The following ELP4 variants were observed in gnomAD, a reference collection of about 807,000 sequenced individuals.
ELP4 encodes the protein elongator complex protein 4.
ELP4 carries 51 observed loss-of-function variants against 48.9 expected under a neutral mutation model. The ratio of observed to expected loss-of-function variants is 1.04; its 90% CI spans 0.83 to 1.32. ELP4 has a LOEUF of 1.32. ELP4 is among the 40% of genes most tolerant of loss of function. ELP4 has a pLI of 0.00. For synonymous variants in ELP4, 210 were observed against 189.2 expected (o/e 1.11, Z -0.90); for missense variants, 519 against 514.6 (o/e 1.01, Z -0.08).
intron 2 of ELP4, 99 bp from the exon 3 acceptor site, chr11:31,539,563 G>GA (rs144137362): frequency 4.7e-5 from 60 of 1,279,802 alleles, no homozygotes; most frequent in Non-Finnish European, 5.5e-5. Flanking sequence ...TTGTTTTAAG[G>GA]AAAAAAAATA....
chr11:31,728,063 A>G (rs1947113046), intron 9 of ELP4, among the ~76,000 whole-genome samples: 1 of 152,202 alleles, frequency 6.6e-6, no homozygotes, highest in African/African-American at 2.4e-5. Context: ...AAAAAAGCAT[A>G]TAAACAAAAC....
At position 31,786,909 on chromosome 11, in the gene ELP4, T is replaced by G; in HGVS notation, c.*3385T>G. 2 of 220,432 alleles carry G rather than the reference T, an allele frequency of 9.1e-6. No homozygotes were observed. Among genetic ancestry groups the G allele is most frequent in the Non-Finnish European group, 1.8e-5 (2 of 110,006 alleles). 13.7% of individuals were successfully genotyped at this position (220,432 alleles called of 1,614,324 possible). ...CAAGTTTGGAGAAAAAATTTAGACG[T>G]TTAGTCCTGGGATTCTACTGAAGTC... On this transcript the variant is annotated 3_prime_UTR_variant, in exon 10 of 10. Coordinates refer to ENST00000640961, the MANE Select transcript of ELP4 (RefSeq NM_019040.5).
intron 9 of ELP4, among the ~76,000 whole-genome samples, chr11:31,739,638 G>A (rs1011852804): frequency 2.6e-5 from 4 of 151,958 alleles, no homozygotes; most frequent in African/African-American, 9.7e-5. Context: ...ATGCTATATT[G>A]CCATTATTTT....
At chr11:31,529,064 T>G (rs1469046478) in intron 2 of ELP4, among the ~76,000 whole-genome samples, 1 of 149,564 alleles carries the variant, frequency 6.7e-6, no homozygotes, top group East Asian at 2.0e-4. Flanking sequence ...ATATTTGCAG[T>G]GAGTCAATAT....
rs569268201 is a variant in ELP4, at chr11:31,706,156, G to A, written c.1143+55935G>A. On this transcript the variant is annotated intron_variant, in intron 9 of 9. Coordinates refer to ENST00000640961, the MANE Select transcript of ELP4 (RefSeq NM_019040.5). ...ATATAATAATTGTACATATTCATAG[G>A]GCACATAGTAATGTTTTGATGCATT... Among the ~76,000 whole-genome samples the A allele has an allele frequency of 7.9e-5, 12 of 151,878 alleles. No individual in the cohort carries two copies. The East Asian group carries it at 2.3e-3, about 29-fold the overall frequency.
intron 3 of ELP4, among the ~76,000 whole-genome samples, chr11:31,565,215 C>G (rs1480547328): frequency 2.0e-5 from 3 of 151,804 alleles, no homozygotes; most frequent in Admixed American, 6.6e-5. Flanking sequence ...CCCACTTTTT[C>G]ATGGGGTTGT....
intron 3 of ELP4, among the ~76,000 whole-genome samples, chr11:31,541,188 A>G (rs943846750): frequency 6.6e-6 from 1 of 152,222 alleles, no homozygotes; most frequent in Non-Finnish European, 1.5e-5. Context: ...GCCTTAGTAT[A>G]AAAGTCACTA....
At position 31,546,171 on chromosome 11, in the gene ELP4, T is replaced by C. The variant is rs529345903; in HGVS notation, c.381+6388T>C. On this transcript the variant is annotated intron_variant, in intron 3 of 9. Transcript: ENST00000640961. ...AATGTAAATGGACTAAATGCTCCAA[T>C]TAAAAGACACAGACTGGCAAATTGG... 2.6e-5 allele frequency among the ~76,000 whole-genome samples: 4 copies of C among 152,056 alleles called. No individual in the cohort carries two copies. The South Asian group carries it at 8.3e-4, about 32-fold the overall frequency.
chr11:31,608,884 C>T (rs113064348), intron 5 of ELP4, among the ~76,000 whole-genome samples: 113 of 152,220 alleles, frequency 7.4e-4, no homozygotes, highest in African/African-American at 2.4e-3. Flanking sequence ...GAAAAGAGAT[C>T]GGCTTACCTG....
At chr11:31,515,446 AAAACCAGCCTGGGC>A (rs200383500) in intron 1 of ELP4, among the ~76,000 whole-genome samples, 2 of 152,266 alleles carry the variant, frequency 1.3e-5, no homozygotes, top group East Asian at 3.9e-4. Context: ...CCAGGAGTTC[AAAACCAGCCTGGGC>A]AATATAGTGA....
At chr11:31,583,802 A>G (rs141875943) in intron 3 of ELP4, among the ~76,000 whole-genome samples, 58 of 152,342 alleles carry the variant, frequency 3.8e-4, no homozygotes, top group Middle Eastern at 3.4e-3. Context: ...GAACTGACCA[A>G]CAGAATTTTC....
chr11:31,573,689 C>T (rs139911605), intron 3 of ELP4: 1 of 152,066 alleles, frequency 6.6e-6, no homozygotes, highest in South Asian at 2.1e-4. Context: ...TTCAAACAAC[C>T]CTTTCTCCAA....
chr11:31,741,405 T>C (rs1947445281), intron 9 of ELP4, among the ~76,000 whole-genome samples: 1 of 152,154 alleles, frequency 6.6e-6, no homozygotes, highest in Non-Finnish European at 1.5e-5. Flanking sequence ...GCAGTGGTTC[T>C]CCCAGCACGC....
intron 7 of ELP4, among the ~76,000 whole-genome samples, chr11:31,640,908 T>C (rs564880288): frequency 6.6e-6 from 1 of 151,920 alleles, no homozygotes; most frequent in Non-Finnish European, 1.5e-5. Flanking sequence ...TGGAGCCTTC[T>C]GGAAAGCTGG....
chr11:31,608,562 G>A (rs534189886), intron 5 of ELP4, among the ~76,000 whole-genome samples: 16 of 146,092 alleles, frequency 1.1e-4, no homozygotes, highest in Non-Finnish European at 2.1e-4. Flanking sequence ...ACACTACTGG[G>A]TTAACGAGAG....
chr11:31,509,823 T>C lies in ELP4; in HGVS notation c.39T>C (p.Ser13=). 6.2e-7 allele frequency: 1 copy of C among 1,614,092 alleles called. No individual in the cohort carries two copies. Among genetic ancestry groups the C allele is most frequent in the Non-Finnish European group, 8.5e-7 (1 of 1,180,018 alleles). ...AVATCGSVAA[S]TGSAVATASK... is the part of the protein sequence containing the mutation. ...CAACCTGCGGTAGTGTTGCCGCGAG[T>C]ACTGGGTCTGCAGTGGCGACAGCCA... The change falls in exon 1 of 10, where the codon AGT becomes AGC. Residue 13 remains serine, a synonymous_variant. Transcript: ENST00000640961.
intron 9 of ELP4, among the ~76,000 whole-genome samples, chr11:31,669,897 T>C (rs534958610): frequency 1.3e-5 from 2 of 152,302 alleles, no homozygotes; most frequent in South Asian, 4.2e-4. Flanking sequence ...CTTAAGGATT[T>C]ATACTTTCTG....
intron 9 of ELP4, among the ~76,000 whole-genome samples, chr11:31,697,956 CT>C (rs5790864): frequency 0.61 from 91,997 of 151,414 alleles, 31,640 homozygotes; most frequent in Non-Finnish European, 0.76. Flanking sequence ...TCAGAAAATG[CT>C]TTTTTTTTAA....
At chr11:31,646,174 A>G (rs183288351) in intron 7 of ELP4, 1 of 151,800 alleles carries the variant, frequency 6.6e-6, no homozygotes, top group Non-Finnish European at 1.5e-5. Flanking sequence ...CCATTGAATG[A>G]AAAATTGCCT....
Sources: gnomAD v4.1 joint callset for allele counts (sites outside exome capture counted in the v4.1 genomes callset) on GRCh38, gnomAD v4.1.1 for gene constraint, MANE v1.5 for transcripts, NCBI Gene and HGNC (gene_info 2026-07-23, HGNC 2026-07-21) for gene names.